The following TTC39A variants were observed in gnomAD, a reference collection of about 807,000 sequenced individuals.
TTC39A encodes tetratricopeptide repeat domain 39A, also known as tetratricopeptide repeat protein 39A.
TTC39A carries 46 observed loss-of-function variants against 82.3 expected under a neutral mutation model. The observed-to-expected ratio is 0.56, with a 90% CI of 0.44 to 0.71. The LOEUF (loss-of-function observed/expected upper bound fraction) is 0.71, where lower values mean the gene tolerates loss of function less well. Ranked by LOEUF, TTC39A falls within the 30% of genes least tolerant of loss-of-function variation. The probability of loss-of-function intolerance (pLI) is 0.00; values close to 1 mark genes in which losing one functional copy is unlikely to be tolerated. For missense variants in TTC39A, 543 were observed against 712.9 expected (o/e 0.76, Z 2.71); for synonymous variants, 254 against 275.2 (o/e 0.92, Z 0.76).
chr1:51,324,584 C>T (rs1026072703), intron 1 of TTC39A, among the ~76,000 whole-genome samples: 2 of 151,992 alleles, frequency 1.3e-5, no homozygotes, highest in African/African-American at 4.8e-5. Context: ...ACCAGTAGTG[C>T]GATCTCAGCT....
chr1:51,321,978 G>C lies in TTC39A; in HGVS notation c.42-153C>G. On this transcript the variant is annotated intron_variant, in intron 1 of 17. Coordinates refer to ENST00000680483, the MANE Select transcript of TTC39A (RefSeq NM_001297663.2). The surrounding 1 kb of genome is among the most constrained non-coding windows in gnomAD (Gnocchi z 4.6). ...CCAGGCTGCCACTCTGTACTGGGAC[G>C]CAGGGACAATTTGGACCCACCTCTT... 2 of 1,351,832 alleles carry C rather than the reference G, an allele frequency of 1.5e-6. No individual in the cohort carries two copies. Among genetic ancestry groups the C allele is most frequent in the Non-Finnish European group, 2.0e-6 (2 of 983,870 alleles). 83.7% of individuals were successfully genotyped at this position (1,351,832 alleles called of 1,614,324 possible).
chr1:51,330,612 G>C (rs1557746672), upstream of TTC39A: 8 of 983,080 alleles, frequency 8.1e-6, no homozygotes, highest in South Asian at 3.7e-4. The surrounding 1 kb of genome is among the most constrained non-coding windows in gnomAD (Gnocchi z 4.5). Flanking sequence ...GGCGGGGAAG[G>C]CGGCGGGGCC....
chr1:51,306,430 G>A (rs1644870650), intron 6 of TTC39A, among the ~76,000 whole-genome samples: 1 of 152,190 alleles, frequency 6.6e-6, no homozygotes, highest in Non-Finnish European at 1.5e-5. Context: ...GCTGTTCTGT[G>A]CATTGTAGGA....
chr1:51,342,691 A>G lies in TTC39A; in HGVS notation c.53+2300T>C, dbSNP rs950277978. The stretch of plus-strand genomic sequence containing the variant: ...TTGGGTGTGAGACCTTGTGTGGTCA[A>G]CTGGGAGTAAAGAATTCTCTGGGTA... On this transcript the variant is annotated intron_variant, in intron 1 of 5. Coordinates refer to the TTC39A transcript ENST00000401051. Among the ~76,000 whole-genome samples, 9 of 152,348 alleles carry G rather than the reference A, an allele frequency of 5.9e-5. No individual in the cohort carries two copies. The South Asian group carries it at 1.7e-3, about 28-fold the overall frequency.
intron 2 of TTC39A, among the ~76,000 whole-genome samples, chr1:51,313,145 C>T (rs1330447616): frequency 6.6e-6 from 1 of 152,208 alleles, no homozygotes; most frequent in Non-Finnish European, 1.5e-5. Flanking sequence ...TTGCCTTCTT[C>T]CTGCTGAGTG....
chr1:51,293,113 G>A (rs1644284860), intron 14 of TTC39A, among the ~76,000 whole-genome samples: 1 of 150,580 alleles, frequency 6.6e-6, no homozygotes, highest in African/African-American at 2.5e-5. Context: ...TGTTGCCCAG[G>A]CTGGAGTGCA....
chr1:51,303,029 C>A, intron 9 of TTC39A, 55 bp downstream of exon 9: 4 of 1,483,618 alleles, frequency 2.7e-6, no homozygotes, highest in Non-Finnish European at 3.7e-6. Flanking sequence ...CCTCGTTCTC[C>A]TTCCCCCTTG....
At chr1:51,331,719 C>T (rs777071229), upstream of TTC39A, 35 of 985,416 alleles carry the variant, frequency 3.6e-5, no homozygotes, top group Non-Finnish European at 4.1e-5. Flanking sequence ...CAAGAATCAT[C>T]CCATCTCTAG....
At chr1:51,308,982 C>T (rs377419486) in intron 6 of TTC39A, among the ~76,000 whole-genome samples, 7 of 152,216 alleles carry the variant, frequency 4.6e-5, no homozygotes, top group Non-Finnish European at 8.8e-5. Context: ...CCCACCAGAA[C>T]ACCCTGTGCA....
At position 51,330,206 on chromosome 1, in the gene TTC39A, C is replaced by T; in HGVS notation, c.41+231G>A. On this transcript the variant is annotated intron_variant, in intron 1 of 17. Transcript: ENST00000680483. The surrounding 1 kb of genome is among the most constrained non-coding windows in gnomAD (Gnocchi z 4.5). ...CTACAGCTCCGTGAGAAAGTTGGGA[C>T]CCAGAAGGTGAGTGACCGACCCGGG... The T allele has an allele frequency of 1.0e-6, 1 of 985,560 alleles. No individual in the cohort carries two copies. Among genetic ancestry groups the T allele is most frequent in the Non-Finnish European group, 1.2e-6 (1 of 830,086 alleles). 61.1% of individuals were successfully genotyped at this position (985,560 alleles called of 1,614,324 possible).
chr1:51,305,569 G>T (rs1644837468), intron 7 of TTC39A: 1 of 312,552 alleles, frequency 3.2e-6, no homozygotes, highest in Non-Finnish European at 6.1e-6. Flanking sequence ...GCAGGAACAA[G>T]ACTTAGTTCT....
At chr1:51,299,218 C>T (rs967079961) in intron 12 of TTC39A, 1 of 152,222 alleles carries the variant, frequency 6.6e-6, no homozygotes, top group African/African-American at 2.4e-5. Flanking sequence ...GTTAATTACC[C>T]ACAAATGGAG....
chr1:51,301,746 T>G lies in TTC39A; in HGVS notation c.892-13A>C. On this transcript the variant is annotated splice_polypyrimidine_tract_variant and intron_variant, in intron 11 of 17. Transcript: ENST00000680483. ...AACGCCGGATGGCCTGCAGGCACCT[T>G]CTGGTCAGCCTGACGGGTGCCCACC... is the stretch of plus-strand genomic sequence containing the variant. The G allele has an allele frequency of 1.3e-6, 2 of 1,598,456 alleles. No homozygotes were observed. Among genetic ancestry groups the G allele is most frequent in the Non-Finnish European group, 1.7e-6 (2 of 1,170,298 alleles).
At chr1:51,324,990 C>T (rs1251584378) in intron 1 of TTC39A, among the ~76,000 whole-genome samples, 10 of 151,972 alleles carry the variant, frequency 6.6e-5, no homozygotes, top group Admixed American at 5.2e-4. Flanking sequence ...CATGGTGGCT[C>T]ATGCCTGTAA....
chr1:51,328,408 G>C (rs1364876080), intron 1 of TTC39A, among the ~76,000 whole-genome samples: 1 of 152,202 alleles, frequency 6.6e-6, no homozygotes, highest in African/African-American at 2.4e-5. Context: ...GGGCAAGTGG[G>C]ACAAGAGCTA....
chr1:51,335,790 A>T, upstream of TTC39A, among the ~76,000 whole-genome samples: 1 of 152,096 alleles, frequency 6.6e-6, no homozygotes, highest in East Asian at 1.9e-4. Flanking sequence ...GGTCATAGAA[A>T]TGGGGGATGC....
chr1:51,319,764 C>T lies in TTC39A; in HGVS notation c.146+1957G>A, dbSNP rs147878733. Among the ~76,000 whole-genome samples, 905 of 151,040 alleles carry T rather than the reference C, an allele frequency of 6.0e-3. 2 individuals are homozygous for T. The highest frequency in any genetic ancestry group is 8.7e-3 in the Non-Finnish European group (588 of 67,868). On this transcript the variant is annotated intron_variant, in intron 2 of 17. Transcript: ENST00000680483. The stretch of plus-strand genomic sequence containing the variant: ...AGAGTGCAATGGAGCAATCTCTGCT[C>T]ACTGCAACCTCCACCTCCTGGGTTC...
intron 2 of TTC39A, among the ~76,000 whole-genome samples, chr1:51,318,482 C>T (rs1351623538): frequency 6.6e-6 from 1 of 152,172 alleles, no homozygotes; most frequent in Admixed American, 6.5e-5. Context: ...GACTGCCACA[C>T]GCCCTGGAAC....
intron 7 of TTC39A, 90 bp downstream of exon 7, chr1:51,305,887 G>T: frequency 1.6e-6 from 2 of 1,282,894 alleles, no homozygotes; most frequent in Non-Finnish European, 1.1e-6. Flanking sequence ...CAGGTGCAGG[G>T]GCACTTGGCA....
Sources: allele counts gnomAD v4.1 joint callset (sites outside exome capture counted in the v4.1 genomes callset), GRCh38; gene constraint gnomAD v4.1.1; non-coding constraint Gnocchi (gnomAD v3.1); transcripts MANE v1.5; gene names NCBI Gene and HGNC (gene_info 2026-07-23, HGNC 2026-07-21).